The following COL21A1 variants were observed in gnomAD, a reference collection of about 807,000 sequenced individuals.
COL21A1 encodes collagen type XXI alpha 1 chain.
In COL21A1, 149 loss-of-function variants were observed where a neutral mutation model predicts 137.9. The ratio of observed to expected loss-of-function variants is 1.08; its 90% CI spans 0.95 to 1.24. The LOEUF (loss-of-function observed/expected upper bound fraction) is 1.24, where lower values mean the gene tolerates loss of function less well. Ranked by LOEUF, COL21A1 falls within the 50% of genes most tolerant of loss-of-function variation. The probability of loss-of-function intolerance (pLI) is 0.00; values close to 1 mark genes in which losing one functional copy is unlikely to be tolerated. For missense variants in COL21A1, 1,167 were observed against 1,158.4 expected, an observed-to-expected ratio of 1.01 and a Z score of -0.11; for synonymous variants, 456 against 391.5, an observed-to-expected ratio of 1.16 and a Z score of -1.95.
rs1158264425 is a variant in COL21A1, at chr6:56,056,776, C to T, written c.*881G>A. ...GACATTCTAGGATTTCAGGAGTTTT[C>T]CTTTTCTTTCAACTAGAGCATTAGC... On this transcript the variant is annotated 3_prime_UTR_variant, in exon 30 of 30. Coordinates refer to ENST00000244728, the MANE Select transcript of COL21A1 (RefSeq NM_030820.4). The T allele has an allele frequency of 1.3e-5, 2 of 152,140 alleles. No individual in the cohort carries two copies. Among genetic ancestry groups the T allele is most frequent in the African/African-American group, 2.4e-5 (1 of 41,444 alleles). 9.4% of individuals were successfully genotyped at this position (152,140 alleles called of 1,614,324 possible).
In COL21A1 at chr6:56,255,334, G is replaced by GGTGTGTGT. The variant is rs71783697; in HGVS notation, c.-38-72686_-38-72679dup. ...CTAGAGTGATCACTGTTGTTAAGAGGGTGTGTGTGTGTGTGTGTGTGTGTG... is the reference window on the plus strand; with the variant it reads ...CTAGAGTGATCACTGTTGTTAAGAGGGTGTGTGTGTGTGTGTGTGTGTGTGTGTGTGTG... On this transcript the variant is annotated intron_variant, in intron 1 of 28. Coordinates refer to the COL21A1 transcript ENST00000370819. 5.2e-3 allele frequency among the ~76,000 whole-genome samples: 759 copies of GGTGTGTGT among 145,584 alleles called. 5 individuals are homozygous for GGTGTGTGT. Among genetic ancestry groups the GGTGTGTGT allele is most frequent in the African/African-American group, 0.016 (618 of 38,972 alleles).
At chr6:56,177,820 T>C (rs1582567693) in intron 3 of COL21A1, among the ~76,000 whole-genome samples, 2 of 137,900 alleles carry the variant, frequency 1.5e-5, no homozygotes, top group African/African-American at 5.4e-5. Context: ...AAAAGTCGAG[T>C]GCAGAAAACA....
At chr6:56,195,387 C>G (rs1345050882) in intron 1 of COL21A1, among the ~76,000 whole-genome samples, 1 of 151,932 alleles carries the variant, frequency 6.6e-6, no homozygotes, top group Non-Finnish European at 1.5e-5. Flanking sequence ...AATAGTATCT[C>G]CCTGGTTTTA....
At chr6:56,268,939 C>T (rs1049557477) in intron 1 of COL21A1, among the ~76,000 whole-genome samples, 15 of 152,148 alleles carry the variant, frequency 9.9e-5, no homozygotes, top group African/African-American at 3.1e-4. Flanking sequence ...AACTGAATTT[C>T]TGAACTGAAA....
In COL21A1 at chr6:56,125,621, CT is replaced by C; in HGVS notation, c.1597-2del. On this transcript the variant is annotated splice_acceptor_variant, in intron 13 of 29. Transcript: ENST00000244728. LOFTEE classifies it high-confidence loss of function. ...TGTCTCCTTTGGCACCCATTTCACC[CT>C]AAAAGACAAAATATAAATAGTGAAT... The C allele has an allele frequency of 1.3e-6, 2 of 1,563,680 alleles. No homozygotes were observed. Among genetic ancestry groups the C allele is most frequent in the Non-Finnish European group, 1.7e-6 (2 of 1,149,526 alleles).
chr6:56,188,092 T>G (rs1302766595), intron 1 of COL21A1, among the ~76,000 whole-genome samples: 1 of 152,196 alleles, frequency 6.6e-6, no homozygotes, highest in East Asian at 1.9e-4. Flanking sequence ...CAGTAAGGTA[T>G]GATTTCACAC....
In COL21A1 at chr6:56,074,212, GT is replaced by G; in HGVS notation, c.1965+19del. The G allele has an allele frequency of 1.3e-6, 2 of 1,555,364 alleles. No individual in the cohort carries two copies. Among genetic ancestry groups the G allele is most frequent in the Non-Finnish European group, 1.7e-6 (2 of 1,149,698 alleles). On this transcript the variant is annotated intron_variant, in intron 20 of 29. Transcript: ENST00000244728. ...GTGATTATACAAAGTTCCCAGTCTT[GT>G]TTATTTTATCATATTTACCTTAGAT...
chr6:56,246,579 T>C (rs1582727650), intron 1 of COL21A1, among the ~76,000 whole-genome samples: 1 of 152,246 alleles, frequency 6.6e-6, no homozygotes, highest in East Asian at 1.9e-4. Context: ...AGGTGTCTTC[T>C]CTGATTAAGT....
At chr6:56,158,901 T>G (rs1561929214) in intron 9 of COL21A1, among the ~76,000 whole-genome samples, 1 of 152,224 alleles carries the variant, frequency 6.6e-6, no homozygotes, top group South Asian at 2.1e-4. Context: ...CTGAACCATG[T>G]AATGTCTCGC....
chr6:56,210,838 T>A (rs763501150), intron 1 of COL21A1, among the ~76,000 whole-genome samples: 8 of 152,088 alleles, frequency 5.3e-5, no homozygotes, highest in Non-Finnish European at 1.0e-4. Flanking sequence ...ATAAATGGTA[T>A]GACAAGGGTA....
chr6:56,263,930 A>G (rs1326876475), intron 1 of COL21A1, among the ~76,000 whole-genome samples: 3 of 152,138 alleles, frequency 2.0e-5, no homozygotes, highest in Non-Finnish European at 2.9e-5. Context: ...AGAACAAATG[A>G]TAGTATTAGC....
chr6:56,278,801 C>T (rs1763728549), intron 1 of COL21A1, among the ~76,000 whole-genome samples: 1 of 152,178 alleles, frequency 6.6e-6, no homozygotes, highest in African/African-American at 2.4e-5. Flanking sequence ...CATTAAACAC[C>T]CCACTAAATA....
chr6:56,325,939 A>G (rs1238470900), intron 1 of COL21A1, among the ~76,000 whole-genome samples: 1 of 11,808 alleles, frequency 8.5e-5, no homozygotes, highest in Non-Finnish European at 1.6e-4. Context: ...TATAATATAT[A>G]TTATATATTA....
intron 1 of COL21A1, among the ~76,000 whole-genome samples, chr6:56,279,459 T>C (rs1460107597): frequency 6.6e-6 from 1 of 152,222 alleles, no homozygotes; most frequent in Non-Finnish European, 1.5e-5. Flanking sequence ...GTTCCTGGAA[T>C]TGCTGATAGC....
At chr6:56,061,583 A>T in intron 25 of COL21A1, 66 bp downstream of exon 25, 1 of 1,120,258 alleles carries the variant, frequency 8.9e-7, no homozygotes, top group Non-Finnish European at 1.3e-6. Context: ...TTTATATAGT[A>T]TTGAAACCCA....
chr6:56,232,232 A>T (rs1293825534), intron 1 of COL21A1, among the ~76,000 whole-genome samples: 1 of 151,864 alleles, frequency 6.6e-6, no homozygotes, highest in Non-Finnish European at 1.5e-5. Context: ...AAATGAAAAC[A>T]TCCTGGGAAA....
chr6:56,098,906 G>C (rs1770153834), intron 17 of COL21A1, among the ~76,000 whole-genome samples: 2 of 149,326 alleles, frequency 1.3e-5, no homozygotes, highest in African/African-American at 4.9e-5. Context: ...TAGTAGAGAC[G>C]GGGTTTCACC....
chr6:56,217,348 T>C (rs1355901950), intron 1 of COL21A1, among the ~76,000 whole-genome samples: 1 of 152,022 alleles, frequency 6.6e-6, no homozygotes, highest in Non-Finnish European at 1.5e-5. Context: ...TAACTACCTG[T>C]CTGAACAGAA....
rs1777981836 is a variant in COL21A1 at position 56,182,547 on chromosome 6, A to G, written c.72T>C (p.Asp24=). The G allele has an allele frequency of 1.2e-6, 2 of 1,600,194 alleles. No individual in the cohort carries two copies. Among genetic ancestry groups the G allele is most frequent in the Non-Finnish European group, 1.7e-6 (2 of 1,171,318 alleles). Residue 24 remains aspartate (D), a synonymous_variant, in exon 2 of 30, where the codon GAT becomes GAC. Transcript: ENST00000244728. ...LLLQNSVLAE[D]GEVRSSCRTA... is the part of the protein sequence containing the mutation. The stretch of plus-strand genomic sequence containing the variant: ...AGTTCTTACTTGATCTTACTTCCCC[A>G]TCTTCAGCTAACACAGAATTCTGAA...
Sources: gnomAD v4.1 joint callset for allele counts (sites outside exome capture counted in the v4.1 genomes callset) on GRCh38, gnomAD v4.1.1 for gene constraint, MANE v1.5 for transcripts, NCBI Gene and HGNC (gene_info 2026-07-23, HGNC 2026-07-21) for gene names.